The following UGT1A10 variants were observed in gnomAD, a reference collection of about 807,000 sequenced individuals.
UGT1A10 encodes UDP glucuronosyltransferase family 1 member A10.
In UGT1A10, 49 loss-of-function variants were observed where a neutral mutation model predicts 45.8. The ratio of observed to expected loss-of-function variants is 1.07; its 90% CI spans 0.85 to 1.36. The LOEUF is 1.36. UGT1A10 is among the 40% of genes most tolerant of loss of function. The pLI, the probability that UGT1A10 is intolerant of heterozygous loss-of-function variation, is 0.00. For missense variants in UGT1A10, 745 were observed against 668.6 expected (o/e 1.11, Z -1.26); for synonymous variants, 284 against 249.7 (o/e 1.14, Z -1.29).
At chr2:233,743,747 GACA>G (rs1559387814) in intron 1 of UGT1A10, 2 of 1,367,344 alleles carry the variant, frequency 1.5e-6, no homozygotes, top group South Asian at 1.1e-5. Context: ...CTTGGCGTCC[GACA>G]ACACCTCGTA....
intron 1 of UGT1A10, among the ~76,000 whole-genome samples, chr2:233,642,592 T>C (rs1163984528): frequency 6.6e-6 from 1 of 152,210 alleles, no homozygotes; most frequent in Non-Finnish European, 1.5e-5. Flanking sequence ...TTCTTCAGTG[T>C]CTGGGCATTG....
At chr2:233,765,738 C>T (rs1341217365) in intron 1 of UGT1A10, among the ~76,000 whole-genome samples, 1 of 147,306 alleles carries the variant, frequency 6.8e-6, no homozygotes, top group Non-Finnish European at 1.5e-5. Flanking sequence ...AATAAATAAA[C>T]CCATAAAGCC....
At chr2:233,720,954 GC>G (rs1192605512) in intron 1 of UGT1A10, among the ~76,000 whole-genome samples, 1 of 149,064 alleles carries the variant, frequency 6.7e-6, no homozygotes, top group Non-Finnish European at 1.5e-5. Flanking sequence ...CATGTGATCT[GC>G]CCGCCTCGGC....
At chr2:233,678,706 C>T (rs2074425581) in intron 1 of UGT1A10, among the ~76,000 whole-genome samples, 1 of 152,100 alleles carries the variant, frequency 6.6e-6, no homozygotes, top group Admixed American at 6.6e-5. Flanking sequence ...GGCACTGCTT[C>T]TTCTACATCT....
At chr2:233,738,731 C>T (rs1205988900) in intron 1 of UGT1A10, among the ~76,000 whole-genome samples, 1 of 152,174 alleles carries the variant, frequency 6.6e-6, no homozygotes. Context: ...GGAAAATTTG[C>T]AGCCTGACCA....
At chr2:233,713,875 T>G (rs1454259266) in intron 1 of UGT1A10, 1 of 1,613,754 alleles carries the variant, frequency 6.2e-7, no homozygotes, top group Admixed American at 1.7e-5. Context: ...ATTGGTGCCT[T>G]TATCCAATCA....
chr2:233,643,425 C>T (rs2073511943), intron 1 of UGT1A10, among the ~76,000 whole-genome samples: 1 of 152,024 alleles, frequency 6.6e-6, no homozygotes, highest in African/African-American at 2.4e-5. Flanking sequence ...TGCTGCCTGG[C>T]CTGAGACTTG....
chr2:233,762,430 C>A (rs796065862), intron 1 of UGT1A10, among the ~76,000 whole-genome samples: 1 of 152,178 alleles, frequency 6.6e-6, no homozygotes, highest in African/African-American at 2.4e-5. Context: ...AATAGAGTAA[C>A]AGTGTATTCC....
intron 1 of UGT1A10, among the ~76,000 whole-genome samples, chr2:233,702,341 T>C (rs1039044704): frequency 4.6e-5 from 7 of 152,218 alleles, no homozygotes; most frequent in African/African-American, 1.7e-4. Flanking sequence ...TGTTTATTTG[T>C]TCTAATAGTT....
rs1429104103 is a variant in UGT1A10 at position 233,718,118 on chromosome 2, CCAT to C, written c.856-48915_856-48913del. On this transcript the variant is annotated intron_variant, in intron 1 of 4. Transcript: ENST00000344644. ...GCTTTAGACAGCAGCACCTCTTATT[CCAT>C]GGTGTAGATGGAGAATCCTCAATAA... The C allele has an allele frequency of 1.3e-5, 4 of 305,056 alleles. No homozygotes were observed. In the East Asian group the frequency reaches 3.1e-4, roughly 23 times the overall value. The allele number at this position is 305,056 out of a possible 1,614,324, so 18.9% of individuals were successfully genotyped here. A position where few individuals can be genotyped will look rare whatever the true frequency, so the allele number is the denominator to read the frequency against.
chr2:233,684,090 G>A (rs572506430), intron 1 of UGT1A10, among the ~76,000 whole-genome samples: 9 of 152,276 alleles, frequency 5.9e-5, no homozygotes, highest in African/African-American at 2.2e-4. Flanking sequence ...TAGGGATGGA[G>A]TATACATTTT....
intron 1 of UGT1A10, among the ~76,000 whole-genome samples, chr2:233,687,285 A>G (rs114020285): frequency 2.4e-3 from 373 of 152,280 alleles, no homozygotes; most frequent in Non-Finnish European, 3.5e-3. Flanking sequence ...TCTTCAGAAC[A>G]ACATGGTGAG....
rs368241628 is a variant in UGT1A10, at chr2:233,659,130, C to T, written c.855+21753C>T. Among the ~76,000 whole-genome samples the T allele has an allele frequency of 1.1e-4, 16 of 152,260 alleles. No individual in the cohort carries two copies. The East Asian group carries it at 2.7e-3, about 26-fold the overall frequency. On this transcript the variant is annotated intron_variant, in intron 1 of 4. Transcript: ENST00000344644. ...TGTTTTAGTTTTCAGTGTAGTCTTT[C>T]ACATCTTTGATCAGATTTATCCCTA...
chr2:233,754,250 G>A (rs1695430755), intron 1 of UGT1A10: 1 of 169,840 alleles, frequency 5.9e-6, no homozygotes, highest in Non-Finnish European at 1.3e-5. Flanking sequence ...TTTCCCAACG[G>A]AAAAAGGTAA....
chr2:233,672,306 C>A, intron 1 of UGT1A10: 1 of 1,613,774 alleles, frequency 6.2e-7, no homozygotes, highest in Non-Finnish European at 8.5e-7. Context: ...TTTCAAATTG[C>A]AGGAGTTTGT....
chr2:233,638,164 A>C (rs1350535231), intron 1 of UGT1A10, among the ~76,000 whole-genome samples: 1 of 152,186 alleles, frequency 6.6e-6, no homozygotes, highest in African/African-American at 2.4e-5. Context: ...CTTCCTGTTC[A>C]GGAACATATA....
chr2:233,672,828 C>T (rs745768489), intron 1 of UGT1A10: 5 of 1,562,164 alleles, frequency 3.2e-6, no homozygotes, highest in South Asian at 2.4e-5. Context: ...GAATACTTCA[C>T]CTTTGGAAAT....
At chr2:233,696,345 ACTTC>A (rs201944530) in intron 1 of UGT1A10, among the ~76,000 whole-genome samples, 53 of 152,076 alleles carry the variant, frequency 3.5e-4, no homozygotes, top group Non-Finnish European at 6.9e-4. Context: ...CAGATCTTTC[ACTTC>A]CTTCCTTAAA....
chr2:233,724,710 C>G (rs1205860523), intron 1 of UGT1A10, among the ~76,000 whole-genome samples: 2 of 144,674 alleles, frequency 1.4e-5, no homozygotes, highest in African/African-American at 5.2e-5. Context: ...TCCTCGCTTT[C>G]CAGACTGGGC....
Sources: gnomAD v4.1 joint callset for allele counts (sites outside exome capture counted in the v4.1 genomes callset) on GRCh38, gnomAD v4.1.1 for gene constraint, MANE v1.5 for transcripts, NCBI Gene and HGNC (gene_info 2026-07-23, HGNC 2026-07-21) for gene names.